The following PXDNL variants were observed in gnomAD, a reference collection of about 807,000 sequenced individuals.
PXDNL encodes the protein peroxidasin like.
PXDNL carries 145 observed loss-of-function variants against 150.8 expected under a neutral mutation model. The observed-to-expected ratio is 0.96, with a 90% CI of 0.84 to 1.10. The LOEUF is 1.10. PXDNL is among the 50% of genes least tolerant of loss of function. The pLI, the probability that PXDNL is intolerant of heterozygous loss-of-function variation, is 0.00. For missense variants in PXDNL, 2,087 were observed against 1,873.9 expected (o/e 1.11, Z -2.10); for synonymous variants, 757 against 725.7 (o/e 1.04, Z -0.69).
At position 51,474,971 on chromosome 8, in the gene PXDNL, C is replaced by T. The variant is rs377022664; in HGVS notation, c.694+1G>A. Reference sequence around the variant, plus strand: ...TTATGTACACATTGAAATTTACGTACGGCAATTGAATTCCTCTACTGTTAC... The same window carrying T: ...TTATGTACACATTGAAATTTACGTATGGCAATTGAATTCCTCTACTGTTAC... On this transcript the variant is annotated splice_donor_variant, in intron 7 of 22. Transcript: ENST00000356297. LOFTEE classifies it high-confidence loss of function. 1.6e-5 allele frequency: 26 copies of T among 1,585,496 alleles called. No homozygotes were observed. Among genetic ancestry groups the T allele is most frequent in the East Asian group, 4.6e-5 (2 of 43,852 alleles).
At chr8:51,333,492 A>G (rs1430131980) in intron 21 of PXDNL, among the ~76,000 whole-genome samples, 1 of 152,244 alleles carries the variant, frequency 6.6e-6, no homozygotes, top group Non-Finnish European at 1.5e-5. Flanking sequence ...ACAGTACCTC[A>G]CATTTCAATA....
chr8:51,360,248 CAT>C (rs1017564585), intron 19 of PXDNL, among the ~76,000 whole-genome samples: 25 of 152,080 alleles, frequency 1.6e-4, no homozygotes, highest in African/African-American at 2.4e-4. Flanking sequence ...TGTACATACC[CAT>C]ATGTGTACAC....
chr8:51,345,963 T>C lies in PXDNL; in HGVS notation c.3902-16A>G. The C allele has an allele frequency of 1.4e-6, 2 of 1,460,038 alleles. No homozygotes were observed. Among genetic ancestry groups the C allele is most frequent in the South Asian group, 2.3e-5 (2 of 87,876 alleles). The allele number at this position is 1,460,038 out of a possible 1,614,324, so 90.4% of individuals were successfully genotyped here. ...CTCCTACAGTCTGTGGGGAAAGAAGTAACCACAATAGCATCATGTGAGATG... is the reference window on the plus strand; with the variant it reads ...CTCCTACAGTCTGTGGGGAAAGAAGCAACCACAATAGCATCATGTGAGATG... On this transcript the variant is annotated splice_polypyrimidine_tract_variant and intron_variant, in intron 19 of 22. Coordinates refer to ENST00000356297, the MANE Select transcript of PXDNL (RefSeq NM_144651.5).
intron 1 of PXDNL, among the ~76,000 whole-genome samples, chr8:51,675,792 C>CAAAAAAAAAA (rs71550280): frequency 3.2e-5 from 3 of 93,248 alleles, no homozygotes; most frequent in East Asian, 3.2e-4. Flanking sequence ...GGCTCCGTCT[C>CAAAAAAAAAA]AAAAAAAAAA....
intron 17 of PXDNL, among the ~76,000 whole-genome samples, chr8:51,377,596 T>G (rs1349775988): frequency 6.6e-6 from 1 of 152,226 alleles, no homozygotes; most frequent in Non-Finnish European, 1.5e-5. Context: ...TGGGCTCAGC[T>G]GGCACACACT....
intron 1 of PXDNL, among the ~76,000 whole-genome samples, chr8:51,729,818 A>G (rs1328526742): frequency 6.6e-6 from 1 of 152,208 alleles, no homozygotes; most frequent in Non-Finnish European, 1.5e-5. Flanking sequence ...ATGAGCTATC[A>G]AGCCATAAAA....
intron 3 of PXDNL, among the ~76,000 whole-genome samples, chr8:51,564,952 T>G (rs894281589): frequency 1.3e-5 from 2 of 151,904 alleles, no homozygotes; most frequent in Non-Finnish European, 2.9e-5. Flanking sequence ...GTTTTACTTC[T>G]CCCTTCCCAA....
At chr8:51,604,626 G>A (rs1191970137) in intron 2 of PXDNL, among the ~76,000 whole-genome samples, 1 of 152,106 alleles carries the variant, frequency 6.6e-6, no homozygotes, top group Non-Finnish European at 1.5e-5. Flanking sequence ...TTGTGCACAT[G>A]TACCCTAAAA....
At chr8:51,730,025 A>G (rs1816887263) in intron 1 of PXDNL, among the ~76,000 whole-genome samples, 1 of 152,200 alleles carries the variant, frequency 6.6e-6, no homozygotes, top group Non-Finnish European at 1.5e-5. Context: ...CAGGGAAACT[A>G]TTCTGTATGA....
At chr8:51,720,034 G>A (rs1222472764) in intron 1 of PXDNL, among the ~76,000 whole-genome samples, 2 of 152,126 alleles carry the variant, frequency 1.3e-5, no homozygotes, top group Non-Finnish European at 2.9e-5. Flanking sequence ...GCCTGAAGCA[G>A]GGCCGGGACT....
chr8:51,489,605 T>C (rs1358644342), intron 5 of PXDNL, among the ~76,000 whole-genome samples: 2 of 152,172 alleles, frequency 1.3e-5, no homozygotes, highest in East Asian at 3.9e-4. Flanking sequence ...ATTTGACCTG[T>C]AAGATTTTTA....
intron 4 of PXDNL, among the ~76,000 whole-genome samples, chr8:51,533,720 C>T (rs1225698733): frequency 6.6e-6 from 1 of 151,102 alleles, no homozygotes; most frequent in South Asian, 2.1e-4. Flanking sequence ...CTCCTAACCG[C>T]GAGTGATCCG....
At chr8:51,562,206 T>C (rs529601647) in intron 3 of PXDNL, among the ~76,000 whole-genome samples, 23 of 151,886 alleles carry the variant, frequency 1.5e-4, no homozygotes, top group South Asian at 1.5e-3. Flanking sequence ...GATAATAACA[T>C]TACTTTTAAA....
At chr8:51,498,316 G>T (rs1220310961) in intron 5 of PXDNL, among the ~76,000 whole-genome samples, 1 of 151,206 alleles carries the variant, frequency 6.6e-6, no homozygotes, top group Non-Finnish European at 1.5e-5. Context: ...AGCATTAGGA[G>T]ATATACCTAA....
intron 2 of PXDNL, among the ~76,000 whole-genome samples, chr8:51,652,404 CTT>C (rs375041388): frequency 2.2e-5 from 3 of 134,250 alleles, no homozygotes; most frequent in Non-Finnish European, 3.2e-5. Flanking sequence ...CTCTCTCTCT[CTT>C]ACTGTCTGTC....
Position 51,738,481 on chromosome 8 carries a change from T to A in PXDNL, c.164+70700A>T, listed in dbSNP as rs377115320. ...TTTACTCTTCAAATTTGTCCTCAAA[T>A]GTCACTTCCTCAGATTAAATCTTTC... On this transcript the variant is annotated intron_variant, in intron 1 of 22. Transcript: ENST00000356297. Among the ~76,000 whole-genome samples the A allele has an allele frequency of 1.9e-3, 291 of 152,288 alleles. 2 individuals carry two copies. The highest frequency in any genetic ancestry group is 6.6e-3 in the African/African-American group (275 of 41,558).
intron 11 of PXDNL, 82 bp from the exon 12 acceptor site, chr8:51,447,244 G>A: frequency 6.9e-7 from 1 of 1,446,360 alleles, no homozygotes; most frequent in South Asian, 1.3e-5. Flanking sequence ...GCTAAAGGGT[G>A]AGGCCTGTCT....
intron 8 of PXDNL, among the ~76,000 whole-genome samples, chr8:51,463,980 T>A (rs1419746433): frequency 6.7e-6 from 1 of 149,042 alleles, no homozygotes; most frequent in African/African-American, 2.5e-5. Flanking sequence ...AAAGCCTACA[T>A]GAAGTTAAGA....
chr8:51,382,326 T>C (rs941937776), intron 17 of PXDNL, among the ~76,000 whole-genome samples: 1 of 152,186 alleles, frequency 6.6e-6, no homozygotes, highest in Non-Finnish European at 1.5e-5. Context: ...GTGGCCCTGC[T>C]GACACCTTGA....
Sources: allele counts gnomAD v4.1 joint callset (sites outside exome capture counted in the v4.1 genomes callset), GRCh38; gene constraint gnomAD v4.1.1; transcripts MANE v1.5; gene names NCBI Gene and HGNC (gene_info 2026-07-23, HGNC 2026-07-21).